The following ZRANB3 variants were observed in gnomAD, a reference collection of about 807,000 sequenced individuals.
The protein encoded by ZRANB3 is zinc finger RANBP2-type containing 3.
Under a neutral mutation model 133.8 loss-of-function variants are expected in ZRANB3, and 125 were observed. That is an observed-to-expected ratio of 0.93 (90% CI 0.81 to 1.08). ZRANB3 has a LOEUF of 1.08. ZRANB3 is among the 50% of genes least tolerant of loss of function. The probability of loss-of-function intolerance (pLI) is 0.00; values close to 1 mark genes in which losing one functional copy is unlikely to be tolerated. For synonymous variants in ZRANB3, 387 were observed against 432.7 expected (o/e 0.89, Z 1.31); for missense variants, 1,229 against 1,275.5 (o/e 0.96, Z 0.56).
intron 2 of ZRANB3, among the ~76,000 whole-genome samples, chr2:135,497,927 C>T (rs1692751577): frequency 1.3e-5 from 2 of 151,892 alleles, no homozygotes; most frequent in South Asian, 4.2e-4. Context: ...GTGGTGTGCA[C>T]CTGTAGTCCC....
intron 19 of ZRANB3, among the ~76,000 whole-genome samples, chr2:135,205,410 C>G (rs1182173098): frequency 2.0e-5 from 3 of 152,216 alleles, no homozygotes; most frequent in African/African-American, 7.2e-5. Context: ...GCTGGGACTA[C>G]AGGTGCATGC....
At chr2:135,455,211 G>A (rs559978915) in intron 2 of ZRANB3, among the ~76,000 whole-genome samples, 1,177 of 70,782 alleles carry the variant, frequency 0.017, 20 homozygotes, top group African/African-American at 0.059. Context: ...TTTTTGAGAC[G>A]GAGTTTTGCT....
Position 135,255,046 on chromosome 2 carries a change from C to T in ZRANB3, c.1539+10488G>A, listed in dbSNP as rs537841109. ...GATTACAGGTGTGAGCCACCGCATCCGGCCGTAGAACATTTTCATTACCCT... is the reference window on the plus strand; with the variant it reads ...GATTACAGGTGTGAGCCACCGCATCTGGCCGTAGAACATTTTCATTACCCT... On this transcript the variant is annotated intron_variant, in intron 12 of 20. Transcript: ENST00000264159. Among the ~76,000 whole-genome samples, 76 of 152,090 alleles carry T rather than the reference C, an allele frequency of 5.0e-4. No homozygotes were observed. In the South Asian group the frequency reaches 7.7e-3, roughly 15 times the overall value.
chr2:135,465,082 T>C, intron 2 of ZRANB3, among the ~76,000 whole-genome samples: 1 of 152,342 alleles, frequency 6.6e-6, no homozygotes, highest in Admixed American at 6.5e-5. Context: ...AATGAAATGG[T>C]ATACTCAGTT....
rs369012868 is a variant in ZRANB3, at chr2:135,230,620, G to C, written c.1847C>G (p.Thr616Ser). The C allele has an allele frequency of 6.2e-7, 1 of 1,613,394 alleles. No homozygotes were observed. ...GCCCTCTACAGGAAAGGCTGGGGTG[G>C]TTAACTGGGCCTTGGCCTCCTGTAC... Reference protein sequence around the residue: ...ESVQEAKAQLTTPAFPVEGWQ... With the variant: ...ESVQEAKAQLSTPAFPVEGWQ... The change falls in exon 13 of 21, where the codon ACC becomes AGC. Residue 616 changes from threonine to serine, a missense_variant. Physicochemically the swap from Thr to Ser is moderately conservative, Grantham distance 58. Coordinates refer to ENST00000264159, the MANE Select transcript of ZRANB3 (RefSeq NM_032143.4).
chr2:135,309,604 A>G (rs900820798), intron 8 of ZRANB3, among the ~76,000 whole-genome samples: 1 of 152,214 alleles, frequency 6.6e-6, no homozygotes, highest in African/African-American at 2.4e-5. Context: ...GGAAACCTGG[A>G]AATTTACATT....
intron 2 of ZRANB3, among the ~76,000 whole-genome samples, chr2:135,394,837 G>A (rs915735223): frequency 2.0e-5 from 3 of 151,648 alleles, no homozygotes; most frequent in African/African-American, 7.3e-5. Context: ...AAGATACTAA[G>A]CTGGGTGTAG....
chr2:135,338,912 T>G (rs1406621154), intron 6 of ZRANB3, among the ~76,000 whole-genome samples: 3 of 152,196 alleles, frequency 2.0e-5, no homozygotes, highest in African/African-American at 7.2e-5. Context: ...TAAGATAAAC[T>G]TATATTTTAA....
chr2:135,399,907 T>C (rs1480459415), intron 2 of ZRANB3, among the ~76,000 whole-genome samples: 2 of 152,208 alleles, frequency 1.3e-5, no homozygotes, highest in African/African-American at 4.8e-5. Context: ...TTTTCGTATT[T>C]TTCTCAATTC....
chr2:135,281,476 T>A (rs910938011), intron 8 of ZRANB3, among the ~76,000 whole-genome samples: 2 of 152,080 alleles, frequency 1.3e-5, no homozygotes, highest in Non-Finnish European at 2.9e-5. Flanking sequence ...AGGAGTCTGC[T>A]GGGGGTTTCA....
intron 20 of ZRANB3, among the ~76,000 whole-genome samples, chr2:135,201,371 G>A (rs763781974): frequency 6.6e-6 from 1 of 152,040 alleles, no homozygotes; most frequent in African/African-American, 2.4e-5. Context: ...AGAAGCTTAC[G>A]GTGGAGGGCG....
chr2:135,204,205 TC>T (rs1693754118), intron 19 of ZRANB3, among the ~76,000 whole-genome samples: 1 of 152,198 alleles, frequency 6.6e-6, no homozygotes, highest in Non-Finnish European at 1.5e-5. Context: ...TGCCTTACCT[TC>T]TCTTCTGTGC....
rs911208151 is a variant in ZRANB3, at chr2:135,468,572, C to T, written c.161+35757G>A. Among the ~76,000 whole-genome samples, 4 of 152,182 alleles carry T rather than the reference C, an allele frequency of 2.6e-5. No homozygotes were observed. The East Asian group carries it at 5.8e-4, about 22-fold the overall frequency. On this transcript the variant is annotated intron_variant, in intron 2 of 20. Transcript: ENST00000264159. ...TCTTATTCATTTCTGTATCTAAGGG[C>T]CTCTCTCTGTGGCCAATATATAGCC...
At chr2:135,403,199 T>A (rs11898019) in intron 2 of ZRANB3, among the ~76,000 whole-genome samples, 10,495 of 152,222 alleles carry the variant, frequency 0.069, 762 homozygotes, top group African/African-American at 0.19. Context: ...AATTCCCTTT[T>A]CTAGTCAAAC....
At chr2:135,232,299 G>C (rs61055539) in intron 12 of ZRANB3, among the ~76,000 whole-genome samples, 6,765 of 152,260 alleles carry the variant, frequency 0.044, 511 homozygotes, top group African/African-American at 0.16. Flanking sequence ...CTGGAAGCTC[G>C]AACTGGGTGG....
intron 12 of ZRANB3, among the ~76,000 whole-genome samples, chr2:135,239,026 T>C (rs1695434222): frequency 6.6e-6 from 1 of 152,170 alleles, no homozygotes; most frequent in Admixed American, 6.6e-5. Context: ...TAAGAAATAA[T>C]ACAAGGCTAT....
chr2:135,221,502 T>C (rs1165516279), intron 15 of ZRANB3, among the ~76,000 whole-genome samples: 1 of 152,098 alleles, frequency 6.6e-6, no homozygotes, highest in East Asian at 1.9e-4. Flanking sequence ...GGATAAAACA[T>C]TGATCAGGTA....
chr2:135,328,935 G>A (rs1348707978), intron 6 of ZRANB3, among the ~76,000 whole-genome samples: 2 of 152,168 alleles, frequency 1.3e-5, no homozygotes, highest in African/African-American at 4.8e-5. Flanking sequence ...ATTTGTTTAA[G>A]TTCTTTGCAG....
At chr2:135,487,905 C>A (rs1433305205) in intron 2 of ZRANB3, among the ~76,000 whole-genome samples, 2 of 152,192 alleles carry the variant, frequency 1.3e-5, no homozygotes, top group Non-Finnish European at 2.9e-5. Flanking sequence ...TTTTCCTTTG[C>A]AATCCACAAC....
Sources: gnomAD v4.1 joint callset for allele counts (sites outside exome capture counted in the v4.1 genomes callset) on GRCh38, gnomAD v4.1.1 for gene constraint, MANE v1.5 for transcripts, NCBI Gene and HGNC (gene_info 2026-07-23, HGNC 2026-07-21) for gene names.